The following LUC7L variants were observed in gnomAD, a reference collection of about 807,000 sequenced individuals.
LUC7L encodes putative RNA-binding protein Luc7-like 1.
In LUC7L, 29 loss-of-function variants were observed where a neutral mutation model predicts 51.1. That is an observed-to-expected ratio of 0.57 (90% CI 0.42 to 0.77). The LOEUF is 0.77. Ranked by LOEUF, LUC7L falls within the 30% of genes least tolerant of loss-of-function variation. The pLI is 0.00. For synonymous variants in LUC7L, 181 were observed against 180.7 expected (o/e 1.00, Z -0.01); for missense variants, 403 against 511.9 (o/e 0.79, Z 2.05).
intron 3 of LUC7L, among the ~76,000 whole-genome samples, chr16:214,763 C>A (rs1324405379): frequency 6.6e-6 from 1 of 152,094 alleles, no homozygotes; most frequent in East Asian, 1.9e-4. Flanking sequence ...TGGGCTCATG[C>A]GACCCACCCA....
At chr16:208,050 A>C in intron 4 of LUC7L, 28 bp downstream of exon 4, 5 of 1,512,798 alleles carry the variant, frequency 3.3e-6, no homozygotes, top group Non-Finnish European at 4.5e-6. Flanking sequence ...TTAAGAACAC[A>C]CCAGACACCG....
chr16:208,905 C>T (rs1297741193), intron 3 of LUC7L: 2 of 152,222 alleles, frequency 1.3e-5, no homozygotes, highest in East Asian at 1.9e-4. Flanking sequence ...CAGATAAAAA[C>T]AGAGACAGGA....
Position 215,552 on chromosome 16 carries a change from G to A in LUC7L, c.255+5097C>T, listed in dbSNP as rs150847000. 6.1e-3 allele frequency among the ~76,000 whole-genome samples: 930 copies of A among 151,850 alleles called. 17 individuals carry two copies. Among genetic ancestry groups the A allele is most frequent in the African/African-American group, 0.021 (857 of 41,372 alleles). ...GGAGAGTTGCTTGAACCCGGCAGGC[G>A]GAGGTTGCAGTGAGCCGAGATCATC... On this transcript the variant is annotated intron_variant, in intron 3 of 9. Transcript: ENST00000293872.
At chr16:228,994 G>A in intron 1 of LUC7L, 1 of 1,435,108 alleles carries the variant, frequency 7.0e-7, no homozygotes, top group African/African-American at 1.4e-5. Flanking sequence ...GCACGGAGCC[G>A]CGGCGCCCGC....
In LUC7L at chr16:228,794, G is replaced by GA. The variant is rs888596548; in HGVS notation, c.61+484dup. 4.7e-5 allele frequency: 61 copies of GA among 1,287,876 alleles called. 1 individual carries two copies. In the Middle Eastern group the frequency reaches 2.6e-3, roughly 54 times the overall value. 79.8% of individuals were successfully genotyped at this position (1,287,876 alleles called of 1,614,324 possible). On this transcript the variant is annotated intron_variant, in intron 1 of 9. Coordinates refer to ENST00000293872, the MANE Select transcript of LUC7L (RefSeq NM_201412.3). ...AAGTACTTGGCAGAAACCCACGTTAGAAAAGCTCAGTTTACGGTTCCCCTT... is the reference window on the plus strand; with the variant it reads ...AAGTACTTGGCAGAAACCCACGTTAGAAAAAGCTCAGTTTACGGTTCCCCTT...
intron 5 of LUC7L, among the ~76,000 whole-genome samples, chr16:203,451 A>C (rs1464918132): frequency 6.6e-6 from 1 of 152,160 alleles, no homozygotes; most frequent in East Asian, 1.9e-4. Flanking sequence ...TCATGACTCT[A>C]ATCCCAGCAC....
chr16:208,583 T>G, intron 3 of LUC7L: 2 of 1,027,662 alleles, frequency 1.9e-6, no homozygotes, highest in South Asian at 3.4e-5. Flanking sequence ...TTGTGAGAGA[T>G]GCATATGATG....
intron 2 of LUC7L, among the ~76,000 whole-genome samples, chr16:222,816 G>C (rs2050011279): frequency 6.6e-6 from 1 of 151,278 alleles, no homozygotes; most frequent in African/African-American, 2.4e-5. Context: ...TTTCAGTAGA[G>C]ATGGGGTTTC....
chr16:226,946 T>G lies in LUC7L; in HGVS notation c.156+296A>C, dbSNP rs928803745. On this transcript the variant is annotated intron_variant, in intron 2 of 9. Transcript: ENST00000293872. ...GGATTGAGAAAGGAGCAGTGGCTCA[T>G]GCCTGTAGTACCAGCTGCTCAAGAG... Among the ~76,000 whole-genome samples, 6 of 152,328 alleles carry G rather than the reference T, an allele frequency of 3.9e-5. No individual in the cohort carries two copies. In the South Asian group the frequency reaches 1.2e-3, roughly 32 times the overall value.
At chr16:208,684 A>C in intron 3 of LUC7L, 1 of 948,206 alleles carries the variant, frequency 1.1e-6, no homozygotes, top group South Asian at 4.9e-5. Context: ...AAAACAATAG[A>C]ACAAATATTA....
At chr16:221,170 A>AT (rs1329530972) in intron 2 of LUC7L, among the ~76,000 whole-genome samples, 1 of 143,526 alleles carries the variant, frequency 7.0e-6, no homozygotes, top group South Asian at 2.2e-4. Flanking sequence ...CAGGCACGTG[A>AT]TACCACACCC....
At chr16:191,060 G>A (rs1400379567) in intron 7 of LUC7L, among the ~76,000 whole-genome samples, 1 of 152,118 alleles carries the variant, frequency 6.6e-6, no homozygotes, top group African/African-American at 2.4e-5. Flanking sequence ...CAGCCACTCT[G>A]TGGCACACTC....
chr16:218,594 A>T (rs1480823380), intron 3 of LUC7L, among the ~76,000 whole-genome samples: 1 of 151,918 alleles, frequency 6.6e-6, no homozygotes, highest in African/African-American at 2.4e-5. Context: ...GGTGGCGGGC[A>T]CTTCTAATCT....
chr16:201,769 A>C (rs2049340773), intron 5 of LUC7L, among the ~76,000 whole-genome samples: 1 of 104,870 alleles, frequency 9.5e-6, no homozygotes, highest in South Asian at 3.3e-4. Flanking sequence ...TTTGAGAGAG[A>C]GTCTTGCTCT....
intron 5 of LUC7L, among the ~76,000 whole-genome samples, chr16:201,321 C>A (rs922798977): frequency 6.6e-6 from 1 of 151,462 alleles, no homozygotes; most frequent in Non-Finnish European, 1.5e-5. Flanking sequence ...ACTCTGTCCC[C>A]TTCTATAGTT....
chr16:208,517 C>T (rs2049549730), intron 3 of LUC7L: 2 of 631,178 alleles, frequency 3.2e-6, no homozygotes, highest in South Asian at 3.0e-5. Context: ...ATAGAGTTCT[C>T]GGAGGGACAG....
chr16:218,789 T>C (rs1656944495), intron 3 of LUC7L, among the ~76,000 whole-genome samples: 1 of 151,754 alleles, frequency 6.6e-6, no homozygotes, highest in Admixed American at 6.6e-5. Context: ...TGAAAAATGC[T>C]ACTCTAAATG....
At chr16:209,877 T>C (rs2049591421) in intron 3 of LUC7L, 2 of 152,122 alleles carry the variant, frequency 1.3e-5, no homozygotes, top group South Asian at 4.1e-4. Context: ...GTAGGTAAGA[T>C]AGGGAAGAAC....
chr16:203,754 C>T (rs1393072225), intron 5 of LUC7L, among the ~76,000 whole-genome samples: 1 of 151,570 alleles, frequency 6.6e-6, no homozygotes, highest in Non-Finnish European at 1.5e-5. Flanking sequence ...CGGTGGCTCA[C>T]ACCTGTAATC....
Sources: allele counts gnomAD v4.1 joint callset (sites outside exome capture counted in the v4.1 genomes callset), GRCh38; gene constraint gnomAD v4.1.1; transcripts MANE v1.5; gene names NCBI Gene and HGNC (gene_info 2026-07-23, HGNC 2026-07-21).